The following GPR176 variants were observed in gnomAD, a reference collection of about 807,000 sequenced individuals.
GPR176 encodes the protein G-protein coupled receptor 176.
A neutral mutation model predicts 35.4 loss-of-function variants in GPR176; 26 were observed. That is an observed-to-expected ratio of 0.74 (90% confidence interval 0.54 to 1.02). The LOEUF is 1.02. Among genes scored for constraint, GPR176 ranks in the 50% least tolerant of loss-of-function variants. The pLI is 0.00. For missense variants in GPR176, 597 were observed against 665.3 expected, an observed-to-expected ratio of 0.90 and a Z score of 1.13; for synonymous variants, 278 against 271.3, an observed-to-expected ratio of 1.02 and a Z score of -0.24.
chr15:39,908,384 C>T (rs1019701560), intron 1 of GPR176, among the ~76,000 whole-genome samples: 3 of 152,150 alleles, frequency 2.0e-5, no homozygotes, highest in African/African-American at 7.2e-5. Flanking sequence ...TGAGAATGTG[C>T]TATTAAATGA....
intron 1 of GPR176, among the ~76,000 whole-genome samples, chr15:39,840,534 T>C (rs572642319): frequency 1.0e-3 from 158 of 152,200 alleles, no homozygotes; most frequent in African/African-American, 3.8e-3. Context: ...CTAATGTAAA[T>C]GACGAGTTAA....
intron 1 of GPR176, among the ~76,000 whole-genome samples, chr15:39,824,352 C>T (rs1900481750): frequency 6.6e-6 from 1 of 152,206 alleles, no homozygotes; most frequent in African/African-American, 2.4e-5. Context: ...GGAGGCTTCC[C>T]AGACCCCCAA....
intron 1 of GPR176, among the ~76,000 whole-genome samples, chr15:39,913,990 G>A (rs1008908661): frequency 1.3e-5 from 2 of 152,116 alleles, no homozygotes; most frequent in Non-Finnish European, 2.9e-5. Flanking sequence ...ACCTCGCAGT[G>A]AGCTGAGATA....
At chr15:39,850,162 A>G (rs2030755645) in intron 1 of GPR176, among the ~76,000 whole-genome samples, 1 of 152,200 alleles carries the variant, frequency 6.6e-6, no homozygotes, top group South Asian at 2.1e-4. Flanking sequence ...GGCCTAAGAC[A>G]TGATGCTTAT....
intron 1 of GPR176, among the ~76,000 whole-genome samples, chr15:39,896,054 ATAT>A (rs1480654564): frequency 1.3e-5 from 2 of 152,146 alleles, no homozygotes; most frequent in Non-Finnish European, 2.9e-5. Flanking sequence ...AGAATTTTTT[ATAT>A]TATTATTTTT....
rs143270897 is a variant in GPR176 at position 39,876,681 on chromosome 15, T to TA, written c.172+43173dup. 7.4e-3 allele frequency among the ~76,000 whole-genome samples: 1,091 copies of TA among 147,952 alleles called. 40 individuals are homozygous for TA. In the East Asian group the frequency reaches 0.093, roughly 13 times the overall value. On this transcript the variant is annotated intron_variant, in intron 1 of 2. Transcript: ENST00000561100. ...AGAACATGGCAAAACCCCCTCTCTA[T>TA]AAAAAAAAAATACAAAAATTAGCTG...
intron 1 of GPR176, among the ~76,000 whole-genome samples, chr15:39,850,190 T>C (rs2140806770): frequency 6.6e-6 from 1 of 152,250 alleles, no homozygotes; most frequent in Middle Eastern, 3.4e-3. Flanking sequence ...TTTACAAACA[T>C]TATATACTTG....
intron 2 of GPR176, among the ~76,000 whole-genome samples, chr15:39,805,871 AC>A (rs983566719): frequency 9.2e-5 from 14 of 152,332 alleles, no homozygotes; most frequent in African/African-American, 3.4e-4. Context: ...AAGCAGCTTT[AC>A]CCAAAGCCAC....
intron 1 of GPR176, among the ~76,000 whole-genome samples, chr15:39,893,424 G>A (rs908971336): frequency 7.9e-5 from 12 of 152,180 alleles, no homozygotes; most frequent in African/African-American, 2.6e-4. Context: ...TTGGGGGTAA[G>A]GTCACAGATC....
intron 1 of GPR176, among the ~76,000 whole-genome samples, chr15:39,905,660 T>C (rs2033400188): frequency 6.6e-6 from 1 of 152,176 alleles, no homozygotes. Context: ...CACAACAATT[T>C]GGATTAATCT....
At chr15:39,806,331 CTG>C (rs946304064) in intron 2 of GPR176, among the ~76,000 whole-genome samples, 5 of 152,184 alleles carry the variant, frequency 3.3e-5, no homozygotes, top group African/African-American at 4.8e-5. Flanking sequence ...ATTATCTAAA[CTG>C]TATTCATGAA....
At chr15:39,835,893 G>C (rs970732404) in intron 1 of GPR176, among the ~76,000 whole-genome samples, 7 of 152,048 alleles carry the variant, frequency 4.6e-5, no homozygotes, top group African/African-American at 1.7e-4. Flanking sequence ...CCAGGAGTTC[G>C]ATAATAGCCT....
intron 1 of GPR176, among the ~76,000 whole-genome samples, chr15:39,818,167 C>A (rs1038804352): frequency 6.6e-6 from 1 of 152,208 alleles, no homozygotes; most frequent in African/African-American, 2.4e-5. Context: ...GAGCCTCTTC[C>A]TCACTAAAGA....
At chr15:39,806,978 A>T (rs761800191) in intron 2 of GPR176, 28 bp downstream of exon 2, 15 of 1,556,988 alleles carry the variant, frequency 9.6e-6, no homozygotes, top group Non-Finnish European at 1.3e-5. Context: ...TTAAAAAAAA[A>T]AGTTAGCTCC....
chr15:39,914,000 A>G (rs767111818), intron 1 of GPR176, among the ~76,000 whole-genome samples: 5 of 152,046 alleles, frequency 3.3e-5, no homozygotes, highest in African/African-American at 9.7e-5. Flanking sequence ...GAGCTGAGAT[A>G]GCGCCACCGC....
intron 1 of GPR176, among the ~76,000 whole-genome samples, chr15:39,850,498 C>A (rs1427447171): frequency 6.6e-6 from 1 of 152,130 alleles, no homozygotes; most frequent in African/African-American, 2.4e-5. Flanking sequence ...ATATAACATT[C>A]TTGCAAAGAC....
At position 39,853,858 on chromosome 15, in the gene GPR176, T is replaced by C. The variant is rs567397606; in HGVS notation, c.173-46600A>G. ...GTTGTTAAATCCTGCTCAAGAGTTTTCTGTTCAATAAGGGTATATAAAATG... is the reference window on the plus strand; with the variant it reads ...GTTGTTAAATCCTGCTCAAGAGTTTCCTGTTCAATAAGGGTATATAAAATG... On this transcript the variant is annotated intron_variant, in intron 1 of 2. Transcript: ENST00000561100. Among the ~76,000 whole-genome samples the C allele has an allele frequency of 2.0e-5, 3 of 152,300 alleles. No homozygotes were observed. In the East Asian group the frequency reaches 5.8e-4, roughly 29 times the overall value.
At chr15:39,910,262 A>T (rs2033541012) in intron 1 of GPR176, among the ~76,000 whole-genome samples, 1 of 152,218 alleles carries the variant, frequency 6.6e-6, no homozygotes. Flanking sequence ...AGTCAAAGGT[A>T]CCTAATTACA....
At position 39,802,228 on chromosome 15, in the gene GPR176, T is replaced by G; in HGVS notation, c.452A>C (p.Glu151Ala). The change falls in exon 3 of 3, where the codon GAG (glutamate) becomes GCG (alanine). Residue 151 changes from glutamate (E) to alanine (A), a missense_variant. Around this residue, in one of 3 missense-constraint regions of GPR176, gnomAD observed 220 missense variants for 297.6 expected, o/e 0.74. Transcript: ENST00000561100. ...DRYYSVLYPL[E>A]RKISDAKSRE... ...GGACTTGGCATCAGATATTTTCCTC[T>G]CCAGTGGATAGAGGACTGAGTAGTA... The G allele has an allele frequency of 1.9e-6, 3 of 1,612,086 alleles. No homozygotes were observed. The highest frequency in any genetic ancestry group is 2.5e-6 in the Non-Finnish European group (3 of 1,178,786).
Sources: allele counts gnomAD v4.1 joint callset (sites outside exome capture counted in the v4.1 genomes callset), GRCh38; gene constraint gnomAD v4.1.1; regional missense constraint gnomAD v4.1.1; transcripts MANE v1.5; gene names NCBI Gene and HGNC (gene_info 2026-07-23, HGNC 2026-07-21).